The following KNL1 variants were observed in gnomAD, a reference collection of about 807,000 sequenced individuals.
KNL1 encodes the protein outer kinetochore KNL1 complex subunit KNL1.
In KNL1, 66 loss-of-function variants were observed where a neutral mutation model predicts 201.3. That is an observed-to-expected ratio of 0.33 (90% CI 0.27 to 0.40). The LOEUF (loss-of-function observed/expected upper bound fraction) is 0.40. Among genes scored for constraint, KNL1 ranks in the 10% least tolerant of loss-of-function variants. The probability of loss-of-function intolerance (pLI) is 1.00; values close to 1 mark genes in which losing one functional copy is unlikely to be tolerated. For missense variants in KNL1, 2,815 were observed against 2,690.5 expected (o/e 1.05, Z -1.02); for synonymous variants, 895 against 899.2 (o/e 1.00, Z 0.08).
chr15:40,610,743 T>A (rs1331732623), intron 6 of KNL1: 1 of 455,468 alleles, frequency 2.2e-6, no homozygotes, highest in Non-Finnish European at 4.4e-6. Context: ...GAGTGGATAG[T>A]AAGTAAATTT....
chr15:40,647,016 A>G lies in KNL1; in HGVS notation c.6036A>G (p.Ile2012Met). 6.6e-7 allele frequency: 1 copy of G among 1,515,462 alleles called. No individual in the cohort carries two copies. The highest frequency in any genetic ancestry group is 9.2e-7 in the Non-Finnish European group (1 of 1,090,672). 93.9% of individuals were successfully genotyped at this position (1,515,462 alleles called of 1,614,324 possible). A position where few individuals can be genotyped will look rare whatever the true frequency, so the allele number is the denominator to read the frequency against. ...QNEREKLQIK[I>M]DEMDKILKKI... ...AGAGGGAGAAACTTCAAATAAAGAT[A>G]GATGAGATGGATAAAATACTTAAGA... The change falls in exon 17 of 26, where the codon ATA (isoleucine) becomes ATG (methionine). Residue 2012 changes from isoleucine to methionine, a missense_variant. By Grantham distance (10) the Ile-to-Met change is conservative. This residue lies in a region of KNL1 where 334 missense variants were observed against 362.6 expected (regional missense o/e 0.92). Transcript: ENST00000399668.
chr15:40,639,679 T>C (rs575803180), intron 13 of KNL1, among the ~76,000 whole-genome samples: 1 of 151,500 alleles, frequency 6.6e-6, no homozygotes, highest in Non-Finnish European at 1.5e-5. Context: ...CAGGCTGAGG[T>C]TGGGGGACTG....
Position 40,623,912 on chromosome 15 carries a change from A to G in KNL1, c.3648A>G (p.Ala1216=), listed in dbSNP as rs750895494. ...SCVQEIAEKQ[A]LAVGNKIVLH... ...TTCAAGAAATCGCTGAAAAACAAGCACTGGCTGTAGGAAACAAAATAGTTC... is the reference window on the plus strand; with the variant it reads ...TTCAAGAAATCGCTGAAAAACAAGCGCTGGCTGTAGGAAACAAAATAGTTC... The change falls in exon 10 of 26, where the codon GCA becomes GCG. Residue 1216 remains alanine (A), a synonymous_variant. Coordinates refer to ENST00000399668, the MANE Select transcript of KNL1 (RefSeq NM_144508.5). The G allele has an allele frequency of 1.2e-6, 2 of 1,613,444 alleles. No homozygotes were observed. The highest frequency in any genetic ancestry group is 1.6e-4 in the Middle Eastern group (1 of 6,062).
chr15:40,598,588 CA>C (rs200043989), intron 1 of KNL1, among the ~76,000 whole-genome samples: 1 of 149,594 alleles, frequency 6.7e-6, no homozygotes, highest in Non-Finnish European at 1.5e-5. Context: ...TCCGGCCCCC[CA>C]AAAAAAACAA....
At chr15:40,597,626 T>C (rs17674454) in intron 1 of KNL1, among the ~76,000 whole-genome samples, 58,031 of 151,932 alleles carry the variant, frequency 0.38, 11,613 homozygotes, top group Non-Finnish European at 0.44. Flanking sequence ...GCCGTACCAG[T>C]GTTTTATAAA....
intron 8 of KNL1, among the ~76,000 whole-genome samples, chr15:40,617,774 C>T (rs1447876473): frequency 2.0e-5 from 3 of 152,006 alleles, no homozygotes; most frequent in Non-Finnish European, 4.4e-5. Flanking sequence ...ACAGCTACCC[C>T]ATAGGCAGTG....
chr15:40,606,889 A>G (rs777777327), intron 4 of KNL1, among the ~76,000 whole-genome samples: 4 of 152,114 alleles, frequency 2.6e-5, no homozygotes, highest in Non-Finnish European at 4.4e-5. Flanking sequence ...CCTCCTGAGT[A>G]ACTAGGCCTA....
Position 40,650,288 on chromosome 15 carries a change from C to T in KNL1, c.6095-13C>T. 6.6e-7 allele frequency: 1 copy of T among 1,522,620 alleles called. No individual in the cohort carries two copies. The highest frequency in any genetic ancestry group is 9.1e-7 in the Non-Finnish European group (1 of 1,100,352). The allele number at this position is 1,522,620 out of a possible 1,614,324, so 94.3% of individuals were successfully genotyped here. On this transcript the variant is annotated splice_polypyrimidine_tract_variant and intron_variant, in intron 17 of 25. Transcript: ENST00000399668. ...TTTCACTGAATTATTCTAACAAATA[C>T]TGTCTACTTTAGAAACTAAGAATTT... is the stretch of plus-strand genomic sequence containing the variant.
rs112971506 is a variant in KNL1, at chr15:40,644,810, T to G, written c.5799-187T>G. On this transcript the variant is annotated intron_variant, in intron 14 of 25. Coordinates refer to ENST00000399668, the MANE Select transcript of KNL1 (RefSeq NM_144508.5). ...ATGTTTTTGTGAGCTTCAGGTTGGG[T>G]CAAAGTGGCTGGGGCAAAGTGGTTG... Among the ~76,000 whole-genome samples, 1,254 of 152,308 alleles carry G rather than the reference T, an allele frequency of 8.2e-3. 5 individuals are homozygous for G. The highest frequency in any genetic ancestry group is 0.034 in the Middle Eastern group (10 of 294).
chr15:40,614,855 C>T (rs765667294), intron 7 of KNL1, among the ~76,000 whole-genome samples: 3 of 151,994 alleles, frequency 2.0e-5, no homozygotes, highest in Non-Finnish European at 4.4e-5. Context: ...CTTTATAGGT[C>T]ATTTTTTGAA....
chr15:40,645,114 G>A, intron 15 of KNL1, 27 bp downstream of exon 15: 1 of 1,433,582 alleles, frequency 7.0e-7, no homozygotes, highest in Non-Finnish European at 9.8e-7. Context: ...TTCTGAATGA[G>A]AATCAGTGAA....
rs1324130378 is a variant in KNL1, at chr15:40,662,898, T to A, written c.*710T>A. On this transcript the variant is annotated 3_prime_UTR_variant, in exon 26 of 26. Transcript: ENST00000399668. ...TCACTTGAGCCCAGGAGGCAGAGGT[T>A]GCAGTAAGCCGAGACCATTCCACTG... The A allele has an allele frequency of 5.6e-6, 1 of 178,446 alleles. No homozygotes were observed. The highest frequency in any genetic ancestry group is 1.2e-5 in the Non-Finnish European group (1 of 83,328). 11.1% of individuals were successfully genotyped at this position (178,446 alleles called of 1,614,324 possible). A position where few individuals can be genotyped will look rare whatever the true frequency, so the allele number is the denominator to read the frequency against.
chr15:40,643,980 G>A (rs1349925187), intron 14 of KNL1, among the ~76,000 whole-genome samples: 1 of 152,192 alleles, frequency 6.6e-6, no homozygotes, highest in African/African-American at 2.4e-5. Context: ...CTCCACACTT[G>A]TGGGTATTTC....
In KNL1 at chr15:40,624,498, G is replaced by A; in HGVS notation, c.4234G>A (p.Glu1412Lys). The A allele has an allele frequency of 6.2e-7, 1 of 1,613,702 alleles. No homozygotes were observed. Residue 1412 changes from glutamate (E) to lysine (K), a missense_variant, in exon 10 of 26, where the codon GAG becomes AAG. Physicochemically the swap from Glu to Lys is moderately conservative, Grantham distance 56. Coordinates refer to ENST00000399668, the MANE Select transcript of KNL1 (RefSeq NM_144508.5). ...TTTAGTATATAGTCAAGATCTGGGG[G>A]AGATGACTAAACTTAATTCAAAGCG... ...QTLVYSQDLGEMTKLNSKRVS... is the reference protein window; with the variant it reads ...QTLVYSQDLGKMTKLNSKRVS...
At chr15:40,620,355 G>A (rs907183784) in intron 9 of KNL1, among the ~76,000 whole-genome samples, 4 of 151,946 alleles carry the variant, frequency 2.6e-5, no homozygotes, top group Non-Finnish European at 4.4e-5. Flanking sequence ...ACAGGTGCCC[G>A]CCACCATGCC....
In KNL1 at chr15:40,622,935, C is replaced by T. The variant is rs776523816; in HGVS notation, c.2671C>T (p.Arg891Cys). Residue 891 changes from arginine (R) to cysteine (C), a missense_variant, in exon 10 of 26, where the codon CGT becomes TGT. By Grantham distance (180) the Arg-to-Cys change is radical. Around this residue, in one of 3 missense-constraint regions of KNL1, gnomAD observed 2,464 missense variants for 2,291.7 expected, o/e 1.08. Transcript: ENST00000399668. Reference protein sequence around the residue: ...EINHRPLLEKRDCHLVPLAGT... With the variant: ...EINHRPLLEKCDCHLVPLAGT... The stretch of plus-strand genomic sequence containing the variant: ...AAACCATAGACCTTTATTAGAGAAA[C>T]GTGATTGTCATTTGGTGCCATTGGC... 3.8e-5 allele frequency: 61 copies of T among 1,613,110 alleles called. No homozygotes were observed. In the African/African-American group the frequency reaches 5.7e-4, roughly 15 times the overall value.
chr15:40,624,170 T>C lies in KNL1; in HGVS notation c.3906T>C (p.Tyr1302=), dbSNP rs1396004215. 5.6e-6 allele frequency: 9 copies of C among 1,614,012 alleles called. No homozygotes were observed. The highest frequency in any genetic ancestry group is 6.8e-6 in the Non-Finnish European group (8 of 1,179,950). ...ATAVCGSSDN[Y]SCLPNVISCT... is the part of the protein sequence containing the mutation. ...CTGTTTGTGGATCCAGTGATAATTA[T>C]TCCTGTTTACCAAATGTTATTTCCT... Residue 1302 remains tyrosine, a synonymous_variant, in exon 10 of 26, where the codon TAT becomes TAC. Coordinates refer to ENST00000399668, the MANE Select transcript of KNL1 (RefSeq NM_144508.5).
Position 40,645,017 on chromosome 15 carries a change from A to G in KNL1, c.5819A>G (p.Asn1940Ser), listed in dbSNP as rs951735708. The part of the protein sequence containing the change: ...KIEELKLSAS[N>S]QDKLLVDINK... ...TTTAGATTAAAGCTTTCTGCATCGA[A>G]CCAAGATAAGCTGTTGGTTGATATA... Residue 1940 changes from asparagine (N) to serine (S), a missense_variant, in exon 15 of 26, where the codon AAC (asparagine) becomes AGC (serine). Around this residue, in one of 3 missense-constraint regions of KNL1, gnomAD observed 2,464 missense variants for 2,291.7 expected, o/e 1.08. Transcript: ENST00000399668. 4.3e-6 allele frequency: 7 copies of G among 1,611,672 alleles called. No individual in the cohort carries two copies. Among genetic ancestry groups the G allele is most frequent in the Non-Finnish European group, 5.9e-6 (7 of 1,178,600 alleles).
At chr15:40,628,724 G>A (rs1892821268) in intron 12 of KNL1, 46 bp downstream of exon 12, 3 of 1,258,480 alleles carry the variant, frequency 2.4e-6, no homozygotes, top group African/African-American at 3.0e-5. Flanking sequence ...AAGAAAAGAG[G>A]TTTAAACGTC....
Sources: allele counts gnomAD v4.1 joint callset (sites outside exome capture counted in the v4.1 genomes callset), GRCh38; gene constraint gnomAD v4.1.1; regional missense constraint gnomAD v4.1.1; transcripts MANE v1.5; gene names NCBI Gene and HGNC (gene_info 2026-07-23, HGNC 2026-07-21).